CENPP: variants seen among roughly 807,000 people sequenced by gnomAD.
The protein encoded by CENPP is centromere protein P.
In CENPP, 24 loss-of-function variants were observed where a neutral mutation model predicts 35.6. The ratio of observed to expected loss-of-function variants is 0.67; its 90% CI spans 0.49 to 0.95. CENPP has a LOEUF of 0.95. CENPP is among the 40% of genes least tolerant of loss of function. CENPP has a pLI of 0.00. For synonymous variants in CENPP, 120 were observed against 125.5 expected, an observed-to-expected ratio of 0.96 and a Z score of 0.29; for missense variants, 332 against 345.3, an observed-to-expected ratio of 0.96 and a Z score of 0.31.
intron 5 of CENPP, chr9:92,536,206 C>A: frequency 2.8e-6 from 1 of 356,880 alleles, no homozygotes; most frequent in Non-Finnish European, 5.3e-6. Flanking sequence ...TAGAAAACAG[C>A]AGTGGGTGTG....
intron 5 of CENPP, chr9:92,460,507 A>G (rs766636733): frequency 6.2e-6 from 10 of 1,607,156 alleles, no homozygotes; most frequent in Admixed American, 1.7e-5. Flanking sequence ...AAAATCCTCA[A>G]GTTCCACTGT....
At chr9:92,434,871 G>A (rs1844209452) in intron 5 of CENPP, among the ~76,000 whole-genome samples, 1 of 152,090 alleles carries the variant, frequency 6.6e-6, no homozygotes, top group Non-Finnish European at 1.5e-5. Flanking sequence ...GGCCGACATG[G>A]CGAAACCCCA....
rs112785393 is a variant in CENPP, at chr9:92,522,009, A to G, written c.565-89305A>G. ...TTGTAAATATAGTGGTAGGATAAGT[A>G]ATTTTTGTCTAATAATTATAAATGT... On this transcript the variant is annotated intron_variant, in intron 5 of 7. Transcript: ENST00000375587. 2.3e-4 allele frequency among the ~76,000 whole-genome samples: 35 copies of G among 152,310 alleles called. 1 individual carries two copies. The highest frequency in any genetic ancestry group is 8.4e-4 in the African/African-American group (35 of 41,566).
At chr9:92,495,949 A>G (rs1450504096) in intron 5 of CENPP, 34 of 986,908 alleles carry the variant, frequency 3.4e-5, no homozygotes, top group Non-Finnish European at 4.0e-5. Flanking sequence ...CAAAAGATAC[A>G]TAATTTTTAA....
intron 5 of CENPP, among the ~76,000 whole-genome samples, chr9:92,396,379 CAAAA>C (rs369199427): frequency 6.9e-6 from 1 of 144,824 alleles, no homozygotes; most frequent in Non-Finnish European, 1.5e-5. Flanking sequence ...GTTAATTAAA[CAAAA>C]AAAAAACCTA....
At chr9:92,457,825 C>T (rs530162702) in intron 5 of CENPP, among the ~76,000 whole-genome samples, 1 of 152,000 alleles carries the variant, frequency 6.6e-6, no homozygotes, top group South Asian at 2.1e-4. Context: ...TACATACATG[C>T]GTAATGTTTA....
At chr9:92,388,731 C>T (rs1842542632) in intron 5 of CENPP, among the ~76,000 whole-genome samples, 1 of 149,848 alleles carries the variant, frequency 6.7e-6, no homozygotes, top group African/African-American at 2.5e-5. Context: ...ACTTGGGAGG[C>T]TGAGGCAGGA....
intron 5 of CENPP, chr9:92,500,885 G>A (rs534691103): frequency 6.2e-7 from 1 of 1,614,152 alleles, no homozygotes; most frequent in African/African-American, 1.3e-5. Flanking sequence ...CAGCAAGTTT[G>A]TTAAATGACA....
At chr9:92,607,409 G>A (rs886092870) in intron 5 of CENPP, among the ~76,000 whole-genome samples, 6 of 152,200 alleles carry the variant, frequency 3.9e-5, no homozygotes, top group African/African-American at 1.2e-4. Flanking sequence ...GCTGTACTGG[G>A]AGGGTGGGTG....
At chr9:92,366,803 G>A (rs575559444) in intron 4 of CENPP, among the ~76,000 whole-genome samples, 4 of 152,254 alleles carry the variant, frequency 2.6e-5, no homozygotes, top group African/African-American at 4.8e-5. Context: ...AGAGGATCAC[G>A]ATTCAGTTAG....
At chr9:92,524,911 T>C (rs1848300446) in intron 5 of CENPP, among the ~76,000 whole-genome samples, 1 of 152,176 alleles carries the variant, frequency 6.6e-6, no homozygotes, top group Admixed American at 6.5e-5. Context: ...TTCAAGGTGA[T>C]GTTACATACA....
chr9:92,472,386 G>A (rs1470784816), intron 5 of CENPP, among the ~76,000 whole-genome samples: 1 of 147,898 alleles, frequency 6.8e-6, no homozygotes, highest in African/African-American at 2.5e-5. Context: ...TAGGCTGGGC[G>A]CGGTGGCTCA....
intron 5 of CENPP, among the ~76,000 whole-genome samples, chr9:92,391,997 G>A (rs1173841004): frequency 6.6e-6 from 1 of 151,888 alleles, no homozygotes; most frequent in Non-Finnish European, 1.5e-5. Flanking sequence ...GTGTAGCGGG[G>A]CTAGTATGCA....
chr9:92,451,370 T>C (rs1844703873), intron 5 of CENPP, among the ~76,000 whole-genome samples: 1 of 146,478 alleles, frequency 6.8e-6, no homozygotes, highest in East Asian at 1.9e-4. Context: ...TCCCCATTGC[T>C]TGTTTTTCTC....
At chr9:92,532,017 T>TTTG (rs1563990186) in intron 5 of CENPP, among the ~76,000 whole-genome samples, 1 of 123,916 alleles carries the variant, frequency 8.1e-6, no homozygotes, top group African/African-American at 3.8e-5. Flanking sequence ...TATTTAATGT[T>TTTG]TTTTTTTTTT....
chr9:92,570,274 GT>G (rs1850100636), intron 5 of CENPP, among the ~76,000 whole-genome samples: 1 of 152,114 alleles, frequency 6.6e-6, no homozygotes, highest in Non-Finnish European at 1.5e-5. Context: ...TCTATTGAGA[GT>G]TTTTGGCATG....
intron 5 of CENPP, among the ~76,000 whole-genome samples, chr9:92,546,358 G>C (rs1849447905): frequency 6.6e-6 from 1 of 152,118 alleles, no homozygotes; most frequent in South Asian, 2.1e-4. Context: ...TGGAAGCTTT[G>C]TTCTTTTGCT....
At chr9:92,578,064 C>T (rs1426142855) in intron 5 of CENPP, among the ~76,000 whole-genome samples, 3 of 150,716 alleles carry the variant, frequency 2.0e-5, no homozygotes, top group Non-Finnish European at 4.4e-5. Flanking sequence ...GTTTTTTGTT[C>T]TTGCAATAGT....
intron 5 of CENPP, among the ~76,000 whole-genome samples, chr9:92,573,116 C>T (rs538268607): frequency 9.2e-5 from 14 of 152,356 alleles, no homozygotes; most frequent in South Asian, 2.1e-4. Context: ...AGTCATTCTC[C>T]GTCCAGCTTT....
Sources: gnomAD v4.1 joint callset for allele counts (sites outside exome capture counted in the v4.1 genomes callset) on GRCh38, gnomAD v4.1.1 for gene constraint, MANE v1.5 for transcripts, NCBI Gene and HGNC (gene_info 2026-07-23, HGNC 2026-07-21) for gene names.